GPR39: variants seen among roughly 807,000 people sequenced by gnomAD.
GPR39 encodes zinc sensing receptor.
In GPR39, 23 loss-of-function variants were observed where a neutral mutation model predicts 18.4. The observed-to-expected ratio is 1.25, with a 90% CI of 0.90 to 1.77. GPR39 has a LOEUF of 1.77. Among genes scored for constraint, GPR39 ranks in the 40% most tolerant of loss-of-function variants. The pLI is 0.00. For synonymous variants in GPR39, 280 were observed against 257.9 expected, an observed-to-expected ratio of 1.09 and a Z score of -0.82; for missense variants, 647 against 602.4, an observed-to-expected ratio of 1.07 and a Z score of -0.78.
At chr2:132,478,802 C>T (rs1010909927) in intron 1 of GPR39, among the ~76,000 whole-genome samples, 17 of 152,204 alleles carry the variant, frequency 1.1e-4, no homozygotes, top group African/African-American at 4.1e-4. Context: ...TTTCAGAACC[C>T]AAGTGACCAG....
At chr2:132,420,287 T>A (rs1472296381) in intron 1 of GPR39, among the ~76,000 whole-genome samples, 1 of 152,206 alleles carries the variant, frequency 6.6e-6, no homozygotes, top group African/African-American at 2.4e-5. Context: ...GCAAATGTCC[T>A]CCTCTCCCAA....
chr2:132,588,796 G>A (rs1016088307), intron 1 of GPR39, among the ~76,000 whole-genome samples: 2 of 152,198 alleles, frequency 1.3e-5, no homozygotes, highest in Non-Finnish European at 2.9e-5. Context: ...CAAGTCCACT[G>A]TGATGAGCAG....
chr2:132,608,152 T>C (rs1476031382), intron 1 of GPR39, among the ~76,000 whole-genome samples: 3 of 152,218 alleles, frequency 2.0e-5, no homozygotes, highest in Non-Finnish European at 4.4e-5. Context: ...CAATGATGCA[T>C]TTGATCAGTT....
intron 1 of GPR39, among the ~76,000 whole-genome samples, chr2:132,436,745 G>T (rs1413923886): frequency 6.6e-6 from 1 of 152,174 alleles, no homozygotes; most frequent in African/African-American, 2.4e-5. Context: ...GGGGACAGAA[G>T]AGGCTGGTGC....
intron 1 of GPR39, among the ~76,000 whole-genome samples, chr2:132,485,732 C>A (rs947658430): frequency 2.6e-5 from 4 of 152,170 alleles, no homozygotes; most frequent in African/African-American, 9.7e-5. Context: ...AATTCTAGTT[C>A]CCTTACTATT....
At chr2:132,475,835 G>T (rs1429532401) in intron 1 of GPR39, among the ~76,000 whole-genome samples, 1 of 152,058 alleles carries the variant, frequency 6.6e-6, no homozygotes, top group Non-Finnish European at 1.5e-5. Flanking sequence ...TTTTCTTTTT[G>T]CAAGACCTCA....
chr2:132,438,570 A>T (rs930556492), intron 1 of GPR39, among the ~76,000 whole-genome samples: 2 of 134,526 alleles, frequency 1.5e-5, no homozygotes, highest in African/African-American at 6.0e-5. Flanking sequence ...TAATGTCAGC[A>T]AGCTTTTTTT....
chr2:132,544,842 C>A (rs1056015949), intron 1 of GPR39, among the ~76,000 whole-genome samples: 1 of 152,112 alleles, frequency 6.6e-6, no homozygotes, highest in Admixed American at 6.5e-5. Flanking sequence ...GGGTCCAGGG[C>A]TTTTATGGGC....
chr2:132,464,919 AG>A (rs1470688290), intron 1 of GPR39, among the ~76,000 whole-genome samples: 1 of 152,214 alleles, frequency 6.6e-6, no homozygotes, highest in Non-Finnish European at 1.5e-5. Context: ...GGGCAATACC[AG>A]AAAATTACCT....
chr2:132,507,727 AC>A (rs1679161707), intron 1 of GPR39, among the ~76,000 whole-genome samples: 1 of 152,114 alleles, frequency 6.6e-6, no homozygotes, highest in Non-Finnish European at 1.5e-5. Flanking sequence ...TGTTCCCATG[AC>A]CTCCTCAGCT....
chr2:132,483,140 A>G (rs902303624), intron 1 of GPR39, among the ~76,000 whole-genome samples: 4 of 152,218 alleles, frequency 2.6e-5, no homozygotes, highest in Non-Finnish European at 5.9e-5. Flanking sequence ...TAATACCACC[A>G]TATAGGGTTG....
At chr2:132,582,914 T>C (rs1344871940) in intron 1 of GPR39, among the ~76,000 whole-genome samples, 1 of 118,524 alleles carries the variant, frequency 8.4e-6, no homozygotes, top group Non-Finnish European at 1.7e-5. Flanking sequence ...TTTCTTTCTT[T>C]CTTTTTTTTT....
In GPR39 at chr2:132,645,596, A is replaced by C. The variant is rs761083371; in HGVS notation, c.1352A>C (p.His451Pro). The C allele has an allele frequency of 1.2e-6, 2 of 1,610,772 alleles. No homozygotes were observed. The highest frequency in any genetic ancestry group is 1.7e-6 in the Non-Finnish European group (2 of 1,178,548). ...NSAAENGFQE[H>P]EV ...GCTGCAGAGAATGGTTTTCAGGAGC[A>C]TGAAGTTTGAATGTCAAGCGAGGGA... The change falls in exon 2 of 2, where the codon CAT becomes CCT. Residue 451 changes from histidine (H) to proline (P), a missense_variant. Coordinates refer to ENST00000329321, the MANE Select transcript of GPR39 (RefSeq NM_001508.3).
Position 132,417,238 on chromosome 2 carries a change from A to T in GPR39, c.196A>T (p.Lys66Ter), listed in dbSNP as rs760065801. The change falls in exon 1 of 2, where the codon AAG becomes TAG. Residue 66 changes from lysine to a stop codon, truncating the protein, a stop_gained. Coordinates refer to ENST00000329321, the MANE Select transcript of GPR39 (RefSeq NM_001508.3). LOFTEE classifies it high-confidence loss of function. ...QVLQKKGYLQ[K>*]EVTDHMVSLA... The stretch of plus-strand genomic sequence containing the variant: ...GCTGCAGAAGAAAGGATACTTGCAG[A>T]AGGAGGTGACAGACCACATGGTGAG... The T allele has an allele frequency of 1.2e-6, 2 of 1,614,164 alleles. No individual in the cohort carries two copies. Among genetic ancestry groups the T allele is most frequent in the South Asian group, 2.2e-5 (2 of 91,068 alleles).
At chr2:132,598,435 T>TTTTTTTTTTA in intron 1 of GPR39, among the ~76,000 whole-genome samples, 1 of 142,930 alleles carries the variant, frequency 7.0e-6, no homozygotes, top group African/African-American at 2.5e-5. Context: ...GGTGAACTTT[T>TTTTTTTTTTA]TTTTTTTTTT....
intron 1 of GPR39, among the ~76,000 whole-genome samples, chr2:132,639,040 G>A (rs1035466237): frequency 2.6e-5 from 4 of 151,870 alleles, no homozygotes; most frequent in African/African-American, 9.7e-5. Flanking sequence ...CTTTCTGTGT[G>A]AATGTTCTTG....
Position 132,645,679 on chromosome 2 carries a change from C to G in GPR39, c.*73C>G, listed in dbSNP as rs1682029800. 8.5e-6 allele frequency: 13 copies of G among 1,529,370 alleles called. No homozygotes were observed. Among genetic ancestry groups the G allele is most frequent in the Non-Finnish European group, 1.1e-5 (13 of 1,138,420 alleles). 94.7% of individuals were successfully genotyped at this position (1,529,370 alleles called of 1,614,324 possible). On this transcript the variant is annotated 3_prime_UTR_variant, in exon 2 of 2. Transcript: ENST00000329321. Reference sequence around the variant, plus strand: ...GAAAACGTCACTCTCACTCTGCAGTCTCAAACTATGCCCCCATCAGGGATG... The same window carrying G: ...GAAAACGTCACTCTCACTCTGCAGTGTCAAACTATGCCCCCATCAGGGATG...
intron 1 of GPR39, among the ~76,000 whole-genome samples, chr2:132,505,729 A>G (rs1009077088): frequency 1.3e-5 from 2 of 152,222 alleles, no homozygotes; most frequent in African/African-American, 4.8e-5. Flanking sequence ...AAATTACATT[A>G]TCTCATTCTT....
At chr2:132,577,535 CTGTT>C (rs139617329) in intron 1 of GPR39, among the ~76,000 whole-genome samples, 7,657 of 152,194 alleles carry the variant, frequency 0.05, 600 homozygotes, top group African/African-American at 0.17. Context: ...ATGTAAGTCT[CTGTT>C]TATTTAGATA....
Sources: allele counts gnomAD v4.1 joint callset (sites outside exome capture counted in the v4.1 genomes callset), GRCh38; gene constraint gnomAD v4.1.1; transcripts MANE v1.5; gene names NCBI Gene and HGNC (gene_info 2026-07-23, HGNC 2026-07-21).